Variants in UPRT observed in about 807,000 individuals in gnomAD.
UPRT encodes uracil phosphoribosyltransferase homolog, also known as RP11-311P8.3.
A neutral mutation model predicts 22.6 loss-of-function variants in UPRT; 5 were observed. The ratio of observed to expected loss-of-function variants is 0.22; its 90% CI spans 0.12 to 0.47. The LOEUF is 0.47. Among genes scored for constraint, UPRT ranks in the 20% least tolerant of loss-of-function variants. The pLI, the probability that UPRT is intolerant of heterozygous loss-of-function variation, is 0.99. For synonymous variants in UPRT, 77 were observed against 87.7 expected, an observed-to-expected ratio of 0.88 and a Z score of 0.68; for missense variants, 181 against 239.9, an observed-to-expected ratio of 0.75 and a Z score of 1.62.
intron 4 of UPRT, among the ~76,000 whole-genome samples, chrX:75,192,148 A>T (rs1032596979): frequency 2.7e-5 from 3 of 111,553 alleles, no homozygotes; most frequent in Admixed American, 9.5e-5. Flanking sequence ...TAACCGAGAG[A>T]TTCTGGTATG....
At chrX:75,170,035 CTTTT>C (rs34570333) in intron 4 of UPRT, among the ~76,000 whole-genome samples, 2 of 53,411 alleles carry the variant, frequency 3.7e-5, no homozygotes, top group Non-Finnish European at 3.9e-5. Context: ...CGCTCTGTGT[CTTTT>C]TTTTTTTTTT....
chrX:75,295,666 A>G (rs770893710), intron 2 of UPRT, among the ~76,000 whole-genome samples: 17 of 112,505 alleles, frequency 1.5e-4, no homozygotes, highest in African/African-American at 5.5e-4. Flanking sequence ...CAGACTCAGC[A>G]TTACTTTTAC....
chrX:75,262,953 AC>A (rs1193759345), intron 4 of UPRT, among the ~76,000 whole-genome samples: 1 of 111,392 alleles, frequency 9.0e-6, no homozygotes, highest in African/African-American at 3.3e-5. Flanking sequence ...GACCAAGCAG[AC>A]CTAATACACA....
At chrX:75,187,172 T>A (rs2082295955) in intron 4 of UPRT, among the ~76,000 whole-genome samples, 1 of 111,976 alleles carries the variant, frequency 8.9e-6, no homozygotes, top group Non-Finnish European at 1.9e-5. Context: ...GGTTGTTTCT[T>A]TCCAAGTTTA....
At chrX:75,256,870 G>A (rs2082551249) in intron 4 of UPRT, among the ~76,000 whole-genome samples, 2 of 111,208 alleles carry the variant, frequency 1.8e-5, no homozygotes, top group African/African-American at 6.5e-5. Flanking sequence ...GATTGAAATG[G>A]TAATTTAACA....
intron 4 of UPRT, among the ~76,000 whole-genome samples, chrX:75,242,183 T>C (rs961078730): frequency 4.5e-5 from 5 of 111,595 alleles, no homozygotes; most frequent in Admixed American, 3.8e-4. Context: ...AAATAATCAT[T>C]TGGAATAAAT....
At chrX:75,295,704 T>TA (rs1254517759) in intron 2 of UPRT, among the ~76,000 whole-genome samples, 1 of 112,183 alleles carries the variant, frequency 8.9e-6, no homozygotes, top group Non-Finnish European at 1.9e-5. Flanking sequence ...GTTCATGGAA[T>TA]TACCATATCT....
chrX:75,300,039 A>G (rs1197408746), intron 5 of UPRT, 143 bp downstream of exon 5: 3 of 667,306 alleles, frequency 4.5e-6, no homozygotes, highest in Non-Finnish European at 6.6e-6. Flanking sequence ...CAGGCAGTTC[A>G]CTGGAGAGTT....
intron 4 of UPRT, among the ~76,000 whole-genome samples, chrX:75,224,495 G>A (rs764629342): frequency 2.7e-5 from 3 of 109,438 alleles, no homozygotes; most frequent in South Asian, 8.0e-4. Flanking sequence ...GGTCTCTGAC[G>A]TTAATCCTCA....
chrX:75,199,730 A>T (rs1437593831), intron 4 of UPRT, among the ~76,000 whole-genome samples: 2 of 111,577 alleles, frequency 1.8e-5, no homozygotes. Flanking sequence ...GGGGTCCGCA[A>T]TTCTTTAAAA....
chrX:75,160,797 G>C (rs1354849049), intron 2 of UPRT, among the ~76,000 whole-genome samples: 1 of 112,197 alleles, frequency 8.9e-6, no homozygotes, highest in Non-Finnish European at 1.9e-5. Flanking sequence ...CCCAATGGCT[G>C]GGATTTACAG....
At chrX:75,191,310 A>G (rs1305465257) in intron 4 of UPRT, among the ~76,000 whole-genome samples, 2 of 112,121 alleles carry the variant, frequency 1.8e-5, no homozygotes, top group Non-Finnish European at 3.8e-5. Flanking sequence ...TGAACAGCAA[A>G]TGTTGCTGCC....
chrX:75,198,635 G>GA (rs1252758078), intron 4 of UPRT, among the ~76,000 whole-genome samples: 7 of 111,736 alleles, frequency 6.3e-5, no homozygotes, highest in Admixed American at 1.9e-4. Context: ...TTTTGATAGA[G>GA]AAAAATTGAT....
At chrX:75,244,180 A>G (rs1371553546) in intron 4 of UPRT, among the ~76,000 whole-genome samples, 6 of 111,895 alleles carry the variant, frequency 5.4e-5, no homozygotes, top group Admixed American at 9.5e-5. Flanking sequence ...CAACAAACAA[A>G]CAAAACAATG....
chrX:75,300,030 A>G, intron 5 of UPRT, 134 bp downstream of exon 5: 2 of 746,907 alleles, frequency 2.7e-6, no homozygotes, highest in Non-Finnish European at 1.9e-6. Context: ...AAACTGCCCC[A>G]GGCAGTTCAC....
intron 3 of UPRT, among the ~76,000 whole-genome samples, chrX:75,166,572 T>C (rs891188285): frequency 8.9e-6 from 1 of 111,944 alleles, no homozygotes; most frequent in Non-Finnish European, 1.9e-5. Flanking sequence ...AATAGCCTTC[T>C]TTCCAATTCT....
chrX:75,172,235 A>T (rs2082230350), intron 4 of UPRT, among the ~76,000 whole-genome samples: 1 of 109,938 alleles, frequency 9.1e-6, no homozygotes, highest in African/African-American at 3.3e-5. Context: ...ACGAGCTCAG[A>T]CTCTCTTTGG....
At chrX:75,184,818 C>T (rs765162548) in intron 4 of UPRT, among the ~76,000 whole-genome samples, 2 of 111,058 alleles carry the variant, frequency 1.8e-5, no homozygotes, top group Non-Finnish European at 3.8e-5. Flanking sequence ...TGATTTGGCT[C>T]TCTGTCTGTT....
Position 75,296,336 on chromosome X carries a change from C to G in UPRT, c.430-6C>G. Reference sequence around the variant, plus strand: ...TTCTCAACTTCTTCTTCCTTTGACTCTCTAGATCAGACTTGTTGTGGAAGA... The same window carrying G: ...TTCTCAACTTCTTCTTCCTTTGACTGTCTAGATCAGACTTGTTGTGGAAGA... On this transcript the variant is annotated splice_region_variant and splice_polypyrimidine_tract_variant and intron_variant, in intron 2 of 6. Coordinates refer to ENST00000373383, the MANE Select transcript of UPRT (RefSeq NM_145052.4). 1 of 1,209,057 alleles carries G rather than the reference C, an allele frequency of 8.3e-7. No homozygotes were observed. The highest frequency in any genetic ancestry group is 3.0e-5 in the East Asian group (1 of 33,797).
Sources: allele counts gnomAD v4.1 joint callset (sites outside exome capture counted in the v4.1 genomes callset), GRCh38; gene constraint gnomAD v4.1.1; transcripts MANE v1.5; gene names NCBI Gene and HGNC (gene_info 2026-07-23, HGNC 2026-07-21).